SFXN2: variants seen among roughly 807,000 people sequenced by gnomAD.
SFXN2 encodes sideroflexin 2, also known as sideroflexin-2.
A neutral mutation model predicts 41.9 loss-of-function variants in SFXN2; 37 were observed. The ratio of observed to expected loss-of-function variants is 0.88; its 90% confidence interval spans 0.68 to 1.16. The LOEUF (loss-of-function observed/expected upper bound fraction) is 1.16. Among genes scored for constraint, SFXN2 ranks in the 50% most tolerant of loss-of-function variants. SFXN2 has a pLI of 0.00. For missense variants in SFXN2, 386 were observed against 425.2 expected (o/e 0.91, Z 0.81); for synonymous variants, 150 against 156.7 (o/e 0.96, Z 0.32).
chr10:102,720,196 G>A (rs898679841), intron 1 of SFXN2, among the ~76,000 whole-genome samples: 2 of 151,248 alleles, frequency 1.3e-5, no homozygotes, highest in African/African-American at 4.9e-5. Context: ...GGAGGCTGAG[G>A]CAGGAGAATT....
chr10:102,729,496 G>A, intron 5 of SFXN2, 102 bp downstream of exon 5: 1 of 1,403,328 alleles, frequency 7.1e-7, no homozygotes, highest in Non-Finnish European at 9.8e-7. Flanking sequence ...TGGGTGAGTT[G>A]GGAATGGCCA....
intron 7 of SFXN2, 79 bp downstream of exon 7, chr10:102,731,862 G>C: frequency 7.6e-7 from 1 of 1,310,878 alleles, no homozygotes; most frequent in Non-Finnish European, 1.1e-6. Context: ...GTCAGAGTAG[G>C]CACCAATATA....
intron 1 of SFXN2, among the ~76,000 whole-genome samples, chr10:102,725,612 G>T (rs1472013194): frequency 2.0e-5 from 3 of 152,050 alleles, no homozygotes; most frequent in African/African-American, 7.2e-5. Flanking sequence ...AATAAAACAG[G>T]CCAGATGCGG....
At chr10:102,736,734 G>A (rs2064785546) in intron 11 of SFXN2, among the ~76,000 whole-genome samples, 1 of 151,712 alleles carries the variant, frequency 6.6e-6, no homozygotes, top group Non-Finnish European at 1.5e-5. Flanking sequence ...ATTTTTAGTA[G>A]AGATGGGGTT....
At chr10:102,722,597 C>T (rs189082930) in intron 1 of SFXN2, among the ~76,000 whole-genome samples, 8 of 150,524 alleles carry the variant, frequency 5.3e-5, no homozygotes, top group East Asian at 4.0e-4. Context: ...TGCAGTGGCA[C>T]GATCACAGTT....
chr10:102,717,679 C>G, intron 1 of SFXN2: 1 of 825,264 alleles, frequency 1.2e-6, no homozygotes, highest in Non-Finnish European at 1.5e-6. Flanking sequence ...TGAAAGAAAG[C>G]GTGCTCTTAA....
chr10:102,726,891 A>G, intron 2 of SFXN2, 94 bp downstream of exon 2: 1 of 1,584,664 alleles, frequency 6.3e-7, no homozygotes, highest in Non-Finnish European at 8.6e-7. Flanking sequence ...GAATAGGCAG[A>G]AATCTCAGGG....
chr10:102,717,464 AT>A (rs1215952299), intron 1 of SFXN2, among the ~76,000 whole-genome samples: 2 of 152,116 alleles, frequency 1.3e-5, no homozygotes, highest in Non-Finnish European at 2.9e-5. Context: ...GGAGGGAGAT[AT>A]CATTAAATCA....
chr10:102,728,377 G>A (rs1008561888), intron 3 of SFXN2, 54 bp from the exon 4 acceptor site: 2 of 1,420,688 alleles, frequency 1.4e-6, no homozygotes, highest in Non-Finnish European at 2.0e-6. Flanking sequence ...CATACCCTCA[G>A]GACTCCCTGC....
At position 102,718,277 on chromosome 10, in the gene SFXN2, G is replaced by A. The variant is rs574060577; in HGVS notation, c.-26+3596G>A. 3.3e-5 allele frequency among the ~76,000 whole-genome samples: 5 copies of A among 152,344 alleles called. No individual in the cohort carries two copies. The East Asian group carries it at 9.6e-4, about 29-fold the overall frequency. ...AAGGTGAACAGAGATGTCAGAGAAG[G>A]TCTGGCTCTGTGTGTATGTGTGTGC... On this transcript the variant is annotated intron_variant, in intron 1 of 11. Transcript: ENST00000369893.
At position 102,726,700 on chromosome 10, in the gene SFXN2, G is replaced by A. The variant is rs2064599483; in HGVS notation, c.64G>A (p.Gly22Arg). 6.2e-7 allele frequency: 1 copy of A among 1,614,072 alleles called. No homozygotes were observed. Residue 22 changes from glycine (G) to arginine (R), a missense_variant, in exon 2 of 12, where the codon GGG (glycine) becomes AGG (arginine). By Grantham distance (125) the Gly-to-Arg change is moderately radical. Coordinates refer to ENST00000369893, the MANE Select transcript of SFXN2 (RefSeq NM_178858.6). ...APRWDQRTFL[G>R]RVKHFLNITD... ...CCGTTGGGACCAGCGCACCTTCCTG[G>A]GGAGAGTGAAGCACTTCCTAAACAT...
intron 4 of SFXN2, 116 bp downstream of exon 4, chr10:102,728,645 A>G: frequency 1.2e-6 from 1 of 821,406 alleles, no homozygotes; most frequent in Non-Finnish European, 2.0e-6. Context: ...TGACCAAGTC[A>G]CCCTTTCCCA....
intron 1 of SFXN2, among the ~76,000 whole-genome samples, chr10:102,718,120 A>C (rs2064445221): frequency 6.6e-6 from 1 of 152,232 alleles, no homozygotes; most frequent in Admixed American, 6.5e-5. Context: ...TATTTAAGAC[A>C]GGGACTCTGC....
chr10:102,716,905 C>T (rs114290173), intron 1 of SFXN2, among the ~76,000 whole-genome samples: 1,845 of 151,846 alleles, frequency 0.012, 33 homozygotes, highest in African/African-American at 0.042. Context: ...GATAGAGGAC[C>T]TTGGGGAAGT....
Position 102,729,342 on chromosome 10 carries a change from CA to C in SFXN2, c.456del (p.Ala153ProfsTer12). The C allele has an allele frequency of 6.2e-7, 1 of 1,614,176 alleles. No individual in the cohort carries two copies. The highest frequency in any genetic ancestry group is 8.5e-7 in the Non-Finnish European group (1 of 1,180,006). The part of the protein sequence containing the change: ...SVRQMALSYF[T>X]ATTTAVATAV... ...AGGCAGATGGCCCTTTCCTACTTCA[CA>C]GCCACAACCACTGCTGTGGCCACGG... On this transcript the variant is annotated frameshift_variant, in exon 5 of 12. Coordinates refer to ENST00000369893, the MANE Select transcript of SFXN2 (RefSeq NM_178858.6). LOFTEE classifies it high-confidence loss of function.
chr10:102,742,830 A>G lies in SFXN2; in HGVS notation c.*5068A>G, dbSNP rs1006234714. 2.0e-5 allele frequency: 3 copies of G among 152,114 alleles called. No homozygotes were observed. Among genetic ancestry groups the G allele is most frequent in the Non-Finnish European group, 4.4e-5 (3 of 67,992 alleles). The allele number at this position is 152,114 out of a possible 1,614,324, so 9.4% of individuals were successfully genotyped here. A position where few individuals can be genotyped will look rare whatever the true frequency, so the allele number is the denominator to read the frequency against. ...TGTACAGGATATTATAGGCTTTAAA[A>G]GAAGAAGAAGAAAGACCTGGTATGC... On this transcript the variant is annotated 3_prime_UTR_variant, in exon 12 of 12. Transcript: ENST00000369893.
At position 102,743,347 on chromosome 10, in the gene SFXN2, A is replaced by G. The variant is rs1842816469; in HGVS notation, c.*5585A>G. 1 of 152,236 alleles carries G rather than the reference A, an allele frequency of 6.6e-6. No individual in the cohort carries two copies. The highest frequency in any genetic ancestry group is 2.1e-4 in the South Asian group (1 of 4,838). 9.4% of individuals were successfully genotyped at this position (152,236 alleles called of 1,614,324 possible). A position where few individuals can be genotyped will look rare whatever the true frequency, so the allele number is the denominator to read the frequency against. On this transcript the variant is annotated 3_prime_UTR_variant, in exon 12 of 12. Coordinates refer to ENST00000369893, the MANE Select transcript of SFXN2 (RefSeq NM_178858.6). ...TTGTCCGTCGAACTTGGGGTGACGA[A>G]GCACTATGCCTCAGATAAAGGTACT...
chr10:102,731,232 A>G (rs2136053294), intron 6 of SFXN2, among the ~76,000 whole-genome samples: 1 of 145,502 alleles, frequency 6.9e-6, no homozygotes, highest in Admixed American at 7.2e-5. Context: ...ATGCCACTAC[A>G]CTCCAGCCTG....
chr10:102,735,428 C>CCCCTCCATGTCCCTCCTCT (rs2064762486), intron 10 of SFXN2, among the ~76,000 whole-genome samples: 1 of 151,024 alleles, frequency 6.6e-6, no homozygotes, highest in East Asian at 2.0e-4. Context: ...GTCGCTCCTC[C>CCCCTCCATGTCCCTCCTCT]CCCTCCATGT....
Sources: allele counts gnomAD v4.1 joint callset (sites outside exome capture counted in the v4.1 genomes callset), GRCh38; gene constraint gnomAD v4.1.1; transcripts MANE v1.5; gene names NCBI Gene and HGNC (gene_info 2026-07-23, HGNC 2026-07-21).